The following GARNL3 variants were observed in gnomAD, a reference collection of about 807,000 sequenced individuals.
GARNL3 encodes the protein GTPase activating Rap/RanGAP domain like 3.
A neutral mutation model predicts 125.0 loss-of-function variants in GARNL3; 63 were observed. That is an observed-to-expected ratio of 0.50 (90% CI 0.41 to 0.62). GARNL3 has a LOEUF of 0.62. Among genes scored for constraint, GARNL3 ranks in the 20% least tolerant of loss-of-function variants. The pLI, the probability that GARNL3 is intolerant of heterozygous loss-of-function variation, is 0.00. For synonymous variants in GARNL3, 439 were observed against 457.5 expected, an observed-to-expected ratio of 0.96 and a Z score of 0.52; for missense variants, 994 against 1,244.0, an observed-to-expected ratio of 0.80 and a Z score of 3.02.
intron 26 of GARNL3, among the ~76,000 whole-genome samples, chr9:127,389,577 G>C (rs1832720701): frequency 6.6e-6 from 1 of 152,108 alleles, no homozygotes; most frequent in South Asian, 2.1e-4. Flanking sequence ...CTAGACAGTG[G>C]GGGCAGGTCT....
At chr9:127,278,259 A>C (rs1355373987) in intron 1 of GARNL3, among the ~76,000 whole-genome samples, 1 of 152,266 alleles carries the variant, frequency 6.6e-6, no homozygotes, top group Non-Finnish European at 1.5e-5. Context: ...TTTAGTAATT[A>C]AATTTGTATA....
chr9:127,379,099 C>T (rs1832105356), intron 22 of GARNL3, among the ~76,000 whole-genome samples: 1 of 152,130 alleles, frequency 6.6e-6, no homozygotes, highest in Non-Finnish European at 1.5e-5. Context: ...ATTAATCAGG[C>T]AGCTCCAAAC....
chr9:127,323,641 G>A (rs1283636060), intron 6 of GARNL3, among the ~76,000 whole-genome samples: 3 of 152,254 alleles, frequency 2.0e-5, no homozygotes, highest in South Asian at 2.1e-4. Context: ...GAGCACTGGC[G>A]TGGGTGTTAA....
chr9:127,392,972 G>A lies in GARNL3; in HGVS notation c.2871-111G>A. On this transcript the variant is annotated intron_variant, in intron 27 of 27. Coordinates refer to ENST00000373387, the MANE Select transcript of GARNL3 (RefSeq NM_032293.5). This position sits in a 1 kb window ranked among gnomAD's most constrained non-coding sequence, Gnocchi z 5.2. ...CCACCTCTACCACATAACAGTGAGG[G>A]TTTGGTGAGCCAAACTCATGAGCTC... The A allele has an allele frequency of 2.3e-6, 2 of 858,232 alleles. No individual in the cohort carries two copies. The highest frequency in any genetic ancestry group is 1.8e-5 in the South Asian group (1 of 54,426). The allele number at this position is 858,232 out of a possible 1,614,324, so 53.2% of individuals were successfully genotyped here. A position where few individuals can be genotyped will look rare whatever the true frequency, so the allele number is the denominator to read the frequency against.
chr9:127,344,466 GT>G (rs1458746312), intron 15 of GARNL3, 127 bp downstream of exon 15: 2 of 698,950 alleles, frequency 2.9e-6, no homozygotes, highest in East Asian at 5.1e-5. Flanking sequence ...TGTTAGGATT[GT>G]TGTGGCAACC....
intron 17 of GARNL3, among the ~76,000 whole-genome samples, chr9:127,351,945 T>C (rs1156932402): frequency 6.6e-6 from 1 of 152,234 alleles, no homozygotes; most frequent in African/African-American, 2.4e-5. Flanking sequence ...CTTCTTGTGT[T>C]GTATACAAAC....
At chr9:127,372,828 G>A (rs1416435514) in intron 22 of GARNL3, among the ~76,000 whole-genome samples, 1 of 152,198 alleles carries the variant, frequency 6.6e-6, no homozygotes, top group Non-Finnish European at 1.5e-5. Flanking sequence ...CCTCTGTGTT[G>A]ATTGCCTTTT....
rs2065154474 is a variant in GARNL3, at chr9:127,313,627, G to C, written c.438+68G>C. ...TTTCAGGAGATAACCCCTGTGCTGT[G>C]GAACTGTGTGCCAGTTTCTTCCAGG... is the stretch of plus-strand genomic sequence containing the variant. On this transcript the variant is annotated intron_variant, in intron 4 of 27. Coordinates refer to ENST00000373387, the MANE Select transcript of GARNL3 (RefSeq NM_032293.5). 5 of 1,027,978 alleles carry C rather than the reference G, an allele frequency of 4.9e-6. No homozygotes were observed. In the East Asian group the frequency reaches 1.2e-4, roughly 24 times the overall value. 63.7% of individuals were successfully genotyped at this position (1,027,978 alleles called of 1,614,324 possible). A position where few individuals can be genotyped will look rare whatever the true frequency, so the allele number is the denominator to read the frequency against.
At chr9:127,243,181 C>T (rs780742648) in exon 2 of GARNL3, 1 of 1,366,572 alleles carries the variant, frequency 7.3e-7, no homozygotes, top group Admixed American at 1.9e-5. Context: ...AGTCGTCTCT[C>T]TCCTTCGGCA....
rs117245539 is a variant in GARNL3 at position 127,314,870 on chromosome 9, G to A, written c.438+1311G>A. Among the ~76,000 whole-genome samples, 79 of 152,334 alleles carry A rather than the reference G, an allele frequency of 5.2e-4. No homozygotes were observed. The East Asian group carries it at 0.014, about 28-fold the overall frequency. On this transcript the variant is annotated intron_variant, in intron 4 of 27. Transcript: ENST00000373387. ...GACAGTTTAGGGAAAGCCTCCTGAG[G>A]CGGCGCCCAGGAAACAGAGGCCTGA...
intron 1 of GARNL3, among the ~76,000 whole-genome samples, chr9:127,231,054 T>A (rs7873888): frequency 0.14 from 10,208 of 74,594 alleles, 540 homozygotes; most frequent in East Asian, 0.35. Context: ...ATATATATTT[T>A]TTTTTTTTTT....
chr9:127,259,648 G>A (rs1440679134), upstream of GARNL3, among the ~76,000 whole-genome samples: 3 of 152,198 alleles, frequency 2.0e-5, no homozygotes, highest in African/African-American at 7.2e-5. Flanking sequence ...GGGATAAAAG[G>A]CAAAGCATTT....
intron 24 of GARNL3, among the ~76,000 whole-genome samples, chr9:127,386,281 C>T (rs984741910): frequency 6.6e-6 from 1 of 152,172 alleles, no homozygotes; most frequent in Non-Finnish European, 1.5e-5. Context: ...TAAACTGAAA[C>T]TTCTTTCAGC....
At chr9:127,339,171 C>T (rs1015267365) in intron 12 of GARNL3, among the ~76,000 whole-genome samples, 3 of 152,018 alleles carry the variant, frequency 2.0e-5, no homozygotes, top group African/African-American at 4.8e-5. Flanking sequence ...GTGGCAGGTG[C>T]CTGTAGTCCC....
Position 127,231,050 on chromosome 9 carries a change from A to ATT in GARNL3, c.-29+6733_-29+6734dup, listed in dbSNP as rs71308298. ...TGTATATATACATATATATATATAT[A>ATT]TTTTTTTTTTTTTTTTTTTTTTGAG... On this transcript the variant is annotated intron_variant, in intron 1 of 10. Coordinates refer to the GARNL3 transcript ENST00000439286. Among the ~76,000 whole-genome samples, 146 of 89,536 alleles carry ATT rather than the reference A, an allele frequency of 1.6e-3. 1 individual carries two copies. The highest frequency in any genetic ancestry group is 6.8e-3 in the Middle Eastern group (1 of 148). 58.7% of individuals were successfully genotyped at this position (89,536 alleles called of 152,430 possible).
rs926456982 is a variant in GARNL3 at position 127,266,222 on chromosome 9, G to A, written c.144+1201G>A. 6.6e-6 allele frequency among the ~76,000 whole-genome samples: 1 copy of A among 152,148 alleles called. No individual in the cohort carries two copies. The highest frequency in any genetic ancestry group is 2.4e-5 in the African/African-American group (1 of 41,424). On this transcript the variant is annotated intron_variant, in intron 1 of 27. Coordinates refer to ENST00000373387, the MANE Select transcript of GARNL3 (RefSeq NM_032293.5). The surrounding 1 kb of genome is among the most constrained non-coding windows in gnomAD (Gnocchi z 4.0). Reference sequence around the variant, plus strand: ...GAAAGAGATGCATGTAGAGCACCACGGGGGTTCAGAGAAGGAAGGGATCAC... The same window carrying A: ...GAAAGAGATGCATGTAGAGCACCACAGGGGTTCAGAGAAGGAAGGGATCAC...
chr9:127,262,471 A>G (rs976514909), upstream of GARNL3, among the ~76,000 whole-genome samples: 1 of 152,198 alleles, frequency 6.6e-6, no homozygotes, highest in African/African-American at 2.4e-5. Context: ...GCTGGAAGTG[A>G]TGCATATCCA....
intron 17 of GARNL3, among the ~76,000 whole-genome samples, chr9:127,350,593 T>C (rs1340212651): frequency 6.6e-6 from 1 of 151,848 alleles, no homozygotes; most frequent in African/African-American, 2.4e-5. Context: ...GCTAATATGG[T>C]GAAACCCTGT....
At chr9:127,343,627 C>A (rs748208837) in intron 14 of GARNL3, among the ~76,000 whole-genome samples, 4 of 152,194 alleles carry the variant, frequency 2.6e-5, no homozygotes, top group Non-Finnish European at 4.4e-5. Context: ...GGTGCTCAGT[C>A]GGTACTTGCT....
Sources: allele counts gnomAD v4.1 joint callset (sites outside exome capture counted in the v4.1 genomes callset), GRCh38; gene constraint gnomAD v4.1.1; non-coding constraint Gnocchi (gnomAD v3.1); transcripts MANE v1.5; gene names NCBI Gene and HGNC (gene_info 2026-07-23, HGNC 2026-07-21).